The following PRKCI variants were observed in gnomAD, a reference collection of about 807,000 sequenced individuals.
The protein encoded by PRKCI is protein kinase C iota.
Under a neutral mutation model 84.0 loss-of-function variants are expected in PRKCI, and 43 were observed. The ratio of observed to expected loss-of-function variants is 0.51; its 90% CI spans 0.40 to 0.66. The LOEUF is 0.66. PRKCI is among the 30% of genes least tolerant of loss of function. The pLI, the probability that PRKCI is intolerant of heterozygous loss-of-function variation, is 0.00. For missense variants in PRKCI, 459 were observed against 745.6 expected (o/e 0.62, Z 4.48); for synonymous variants, 216 against 234.4 (o/e 0.92, Z 0.72).
chr3:170,245,131 A>T (rs1733240574), intron 2 of PRKCI, among the ~76,000 whole-genome samples: 1 of 151,986 alleles, frequency 6.6e-6, no homozygotes, highest in Non-Finnish European at 1.5e-5. Context: ...CTTTGGGAGA[A>T]GTCAGTTGTA....
At chr3:170,261,429 T>C (rs1053671909) in intron 3 of PRKCI, among the ~76,000 whole-genome samples, 5 of 151,274 alleles carry the variant, frequency 3.3e-5, no homozygotes, top group African/African-American at 1.2e-4. Context: ...TTATTATTTC[T>C]TTGTATTTTC....
intron 7 of PRKCI, among the ~76,000 whole-genome samples, chr3:170,274,813 C>A (rs1734076173): frequency 6.6e-6 from 1 of 151,718 alleles, no homozygotes; most frequent in Non-Finnish European, 1.5e-5. Context: ...ATTCTGAGTA[C>A]AATGGAGTGA....
Position 170,222,628 on chromosome 3 carries a change from C to A in PRKCI, c.-42C>A. On this transcript the variant is annotated 5_prime_UTR_variant, in exon 1 of 18. Coordinates refer to ENST00000295797, the MANE Select transcript of PRKCI (RefSeq NM_002740.6). ...CCCCCACGGCGCCCGAAGCGCCCCC[C>A]CGCACCCCCGGCCTCCAGCGTTGAG... 6.0e-6 allele frequency: 9 copies of A among 1,502,232 alleles called. No individual in the cohort carries two copies. Among genetic ancestry groups the A allele is most frequent in the Non-Finnish European group, 7.1e-6 (8 of 1,120,136 alleles). 93.1% of individuals were successfully genotyped at this position (1,502,232 alleles called of 1,614,324 possible).
At chr3:170,268,814 G>A (rs6801954) in intron 5 of PRKCI, among the ~76,000 whole-genome samples, 12,347 of 152,214 alleles carry the variant, frequency 0.081, 1,204 homozygotes, top group African/African-American at 0.23. Context: ...TCAAGTGCAG[G>A]GCAGTAACTT....
intron 1 of PRKCI, among the ~76,000 whole-genome samples, chr3:170,232,437 C>G (rs1732825062): frequency 6.6e-6 from 1 of 152,128 alleles, no homozygotes; most frequent in South Asian, 2.1e-4. Flanking sequence ...ATAGTCACAG[C>G]TCACTGCAGC....
At chr3:170,226,552 T>A (rs1732632595) in intron 1 of PRKCI, among the ~76,000 whole-genome samples, 2 of 152,208 alleles carry the variant, frequency 1.3e-5, no homozygotes, top group African/African-American at 2.4e-5. Flanking sequence ...TGAAAGTTCT[T>A]TTTAAACCGC....
At chr3:170,270,322 C>T (rs1305651263) in intron 5 of PRKCI, 99 bp from the exon 6 acceptor site, 3 of 1,189,612 alleles carry the variant, frequency 2.5e-6, no homozygotes, top group Non-Finnish European at 2.3e-6. Flanking sequence ...TGTGGGCTGA[C>T]AGTTGACACC....
At chr3:170,289,705 G>A (rs1734491378) in intron 12 of PRKCI, among the ~76,000 whole-genome samples, 1 of 152,170 alleles carries the variant, frequency 6.6e-6, no homozygotes, top group Non-Finnish European at 1.5e-5. Flanking sequence ...TTGAGGTCAG[G>A]AGTTCGAGAC....
chr3:170,228,275 A>G (rs1223704007), intron 1 of PRKCI, among the ~76,000 whole-genome samples: 1 of 152,204 alleles, frequency 6.6e-6, no homozygotes, highest in Non-Finnish European at 1.5e-5. Context: ...CACAAAGGCA[A>G]GGCACTAAAA....
In PRKCI at chr3:170,291,874, T is replaced by C. The variant is rs1178083341; in HGVS notation, c.1224T>C (p.Asp408=). ...AAAAGGAAGGATTACGGCCAGGAGA[T>C]ACAACCAGCACTTTCTGTGGTACTC... ...GMCKEGLRPG[D]TTSTFCGTPN... The change falls in exon 13 of 18, where the codon GAT becomes GAC. Residue 408 remains aspartate (D), a synonymous_variant. Coordinates refer to ENST00000295797, the MANE Select transcript of PRKCI (RefSeq NM_002740.6). The C allele has an allele frequency of 6.2e-7, 1 of 1,606,300 alleles. No homozygotes were observed. Among genetic ancestry groups the C allele is most frequent in the South Asian group, 1.1e-5 (1 of 90,912 alleles).
chr3:170,240,158 T>C (rs1181141848), intron 2 of PRKCI, among the ~76,000 whole-genome samples: 1 of 151,966 alleles, frequency 6.6e-6, no homozygotes, highest in Non-Finnish European at 1.5e-5. Flanking sequence ...CAATACCCTG[T>C]TTCCAAAAAA....
chr3:170,253,807 C>G (rs1350980114), intron 2 of PRKCI, among the ~76,000 whole-genome samples: 1 of 146,950 alleles, frequency 6.8e-6, no homozygotes, highest in Non-Finnish European at 1.5e-5. Context: ...AAAAAAATGT[C>G]TATTCAGGGC....
intron 13 of PRKCI, among the ~76,000 whole-genome samples, chr3:170,292,916 C>T (rs1734592672): frequency 6.9e-6 from 1 of 145,782 alleles, no homozygotes; most frequent in African/African-American, 2.5e-5. Context: ...TCACAGGTGC[C>T]TGTAGTCTCA....
chr3:170,268,354 C>T (rs1158570801), intron 5 of PRKCI, among the ~76,000 whole-genome samples: 1 of 151,980 alleles, frequency 6.6e-6, no homozygotes, highest in East Asian at 1.9e-4. Flanking sequence ...GTCACATGCA[C>T]CTGTAGTCCC....
chr3:170,301,738 G>C (rs1734824782), intron 17 of PRKCI, among the ~76,000 whole-genome samples: 1 of 152,104 alleles, frequency 6.6e-6, no homozygotes, highest in African/African-American at 2.4e-5. Flanking sequence ...CCAGAGTATT[G>C]TATCAGCCTC....
rs765219909 is a variant in PRKCI, at chr3:170,267,987, A to G, written c.437A>G (p.Lys146Arg). Residue 146 changes from lysine (K) to arginine (R), a missense_variant, in exon 5 of 18, where the codon AAG becomes AGG. Physicochemically the swap from Lys to Arg is conservative, Grantham distance 26 (BLOSUM62 2). Around this residue, in one of 2 missense-constraint regions of PRKCI, gnomAD observed 250 missense variants for 319.7 expected, o/e 0.78. Transcript: ENST00000295797. ...YCANGHTFQA[K>R]RFNRRAHCAI... Reference sequence around the variant, plus strand: ...GCCAATGGCCACACTTTCCAAGCCAAGCGTTTCAACAGGGTAAACATAGTT... The same window carrying G: ...GCCAATGGCCACACTTTCCAAGCCAGGCGTTTCAACAGGGTAAACATAGTT... The G allele has an allele frequency of 4.3e-6, 7 of 1,612,274 alleles. No homozygotes were observed. Among genetic ancestry groups the G allele is most frequent in the African/African-American group, 2.7e-5 (2 of 74,878 alleles).
At position 170,268,953 on chromosome 3, in the gene PRKCI, C is replaced by T. The variant is rs188071844; in HGVS notation, c.450+953C>T. 8.2e-3 allele frequency among the ~76,000 whole-genome samples: 1,250 copies of T among 152,208 alleles called. 6 individuals carry two copies. Among genetic ancestry groups the T allele is most frequent in the Non-Finnish European group, 0.012 (849 of 68,012 alleles). Reference sequence around the variant, plus strand: ...TTTTAAAGACAGAGTCCCGCTCTATCGCCCAGGCTGGAGTGCAATGGCACA... The same window carrying T: ...TTTTAAAGACAGAGTCCCGCTCTATTGCCCAGGCTGGAGTGCAATGGCACA... On this transcript the variant is annotated intron_variant, in intron 5 of 17. Coordinates refer to ENST00000295797, the MANE Select transcript of PRKCI (RefSeq NM_002740.6).
intron 11 of PRKCI, among the ~76,000 whole-genome samples, chr3:170,282,877 C>T (rs893722295): frequency 3.3e-5 from 5 of 151,608 alleles, no homozygotes; most frequent in African/African-American, 2.4e-5. Flanking sequence ...GAGGCCGAGG[C>T]GGGTGGATCA....
At chr3:170,229,133 G>C (rs1732718206) in intron 1 of PRKCI, among the ~76,000 whole-genome samples, 1 of 151,916 alleles carries the variant, frequency 6.6e-6, no homozygotes, top group Non-Finnish European at 1.5e-5. Flanking sequence ...TATCATATCG[G>C]TATATTTATA....
Sources: gnomAD v4.1 joint callset for allele counts (sites outside exome capture counted in the v4.1 genomes callset) on GRCh38, gnomAD v4.1.1 for gene constraint, gnomAD v4.1.1 regional missense constraint, MANE v1.5 for transcripts, NCBI Gene and HGNC (gene_info 2026-07-23, HGNC 2026-07-21) for gene names.